Variants in DPP10 observed in about 807,000 individuals in gnomAD.
DPP10 encodes the protein dipeptidyl peptidase like 10, also known as inactive dipeptidyl peptidase 10.
A neutral mutation model predicts 120.9 loss-of-function variants in DPP10; 33 were observed. The observed-to-expected ratio is 0.27, with a 90% CI of 0.21 to 0.37. The LOEUF (loss-of-function observed/expected upper bound fraction) is 0.37, where lower values mean the gene tolerates loss of function less well. DPP10 is among the 10% of genes least tolerant of loss of function. The pLI, the probability that DPP10 is intolerant of heterozygous loss-of-function variation, is 1.00. For missense variants in DPP10, 816 were observed against 942.8 expected (o/e 0.87, Z 1.76); for synonymous variants, 337 against 326.1 (o/e 1.03, Z -0.36).
chr2:115,500,580 A>C (rs2148793049), intron 4 of DPP10, among the ~76,000 whole-genome samples: 1 of 152,158 alleles, frequency 6.6e-6, no homozygotes, highest in South Asian at 2.1e-4. Context: ...ACAATCATTA[A>C]GTGATTATAT....
At chr2:115,102,997 G>A (rs989580692) in intron 1 of DPP10, among the ~76,000 whole-genome samples, 3 of 152,106 alleles carry the variant, frequency 2.0e-5, no homozygotes, top group African/African-American at 7.2e-5. Flanking sequence ...TATAGTTCTT[G>A]TTATGTTAGA....
Position 115,842,428 on chromosome 2 carries a change from A to G in DPP10, c.*83A>G. The G allele has an allele frequency of 6.7e-7, 1 of 1,494,542 alleles. No homozygotes were observed. Among genetic ancestry groups the G allele is most frequent in the East Asian group, 2.3e-5 (1 of 43,502 alleles). The allele number at this position is 1,494,542 out of a possible 1,614,324, so 92.6% of individuals were successfully genotyped here. On this transcript the variant is annotated 3_prime_UTR_variant, in exon 26 of 26. Transcript: ENST00000410059. ...GAGACTGTAATATTGTAGTTGCTCC[A>G]GAATGTCAAGGGCAGCTTACGGAGA...
At chr2:115,024,690 CTTAAATATATATATATTTG>C (rs924618645) in intron 1 of DPP10, among the ~76,000 whole-genome samples, 7 of 146,288 alleles carry the variant, frequency 4.8e-5, no homozygotes, top group Non-Finnish European at 1.0e-4. Context: ...GAGACAGAAC[CTTAAATATATATATATTTG>C]TTAAATATAT....
intron 5 of DPP10, among the ~76,000 whole-genome samples, chr2:115,627,436 C>T (rs561268120): frequency 2.0e-5 from 3 of 152,152 alleles, no homozygotes. Flanking sequence ...GGACTGTGGA[C>T]AGCAAGATTT....
intron 3 of DPP10, among the ~76,000 whole-genome samples, chr2:115,420,591 T>G (rs1055690579): frequency 2.0e-5 from 3 of 152,210 alleles, no homozygotes; most frequent in African/African-American, 7.2e-5. Flanking sequence ...AAATATAATA[T>G]GGTTATAGCT....
chr2:114,694,104 T>G (rs1465471602), intron 1 of DPP10, among the ~76,000 whole-genome samples: 1 of 151,958 alleles, frequency 6.6e-6, no homozygotes, highest in Non-Finnish European at 1.5e-5. Flanking sequence ...ATCCTACAAT[T>G]GCCACTTATA....
At chr2:114,898,474 T>G (rs924593949) in intron 1 of DPP10, among the ~76,000 whole-genome samples, 1 of 151,398 alleles carries the variant, frequency 6.6e-6, no homozygotes, top group Non-Finnish European at 1.5e-5. Context: ...ATTGTGCACA[T>G]GTACCCTAAA....
At chr2:114,767,521 A>G (rs531852413) in intron 1 of DPP10, among the ~76,000 whole-genome samples, 1 of 152,184 alleles carries the variant, frequency 6.6e-6, no homozygotes, top group Non-Finnish European at 1.5e-5. Flanking sequence ...AAAAAGTAGA[A>G]CACCAAAGGA....
intron 5 of DPP10, among the ~76,000 whole-genome samples, chr2:115,629,474 C>T (rs1384744939): frequency 2.0e-5 from 3 of 152,118 alleles, no homozygotes; most frequent in African/African-American, 4.8e-5. Flanking sequence ...CTCCCCAGCA[C>T]CTGTTCTTTC....
chr2:115,584,054 C>T (rs1575245010), intron 5 of DPP10, among the ~76,000 whole-genome samples: 1 of 152,174 alleles, frequency 6.6e-6, no homozygotes, highest in South Asian at 2.1e-4. Context: ...AAACAACGCC[C>T]GCCATCCCCA....
At chr2:115,249,821 CAGGAAGGCTG>C (rs1036672066) in intron 1 of DPP10, among the ~76,000 whole-genome samples, 13 of 152,106 alleles carry the variant, frequency 8.5e-5, no homozygotes, top group Admixed American at 5.9e-4. Context: ...TCTATGGGGT[CAGGAAGGCTG>C]TTGTGGTGAA....
chr2:114,940,752 C>T (rs1392075639), intron 1 of DPP10, among the ~76,000 whole-genome samples: 1 of 152,024 alleles, frequency 6.6e-6, no homozygotes, highest in Non-Finnish European at 1.5e-5. Flanking sequence ...AACTGTACTG[C>T]CGAGAAAGCA....
intron 1 of DPP10, among the ~76,000 whole-genome samples, chr2:114,815,849 G>C (rs979220888): frequency 6.8e-6 from 1 of 147,028 alleles, no homozygotes; most frequent in Non-Finnish European, 1.5e-5. Flanking sequence ...CCTGTTTTTT[G>C]TTTATCTTTG....
At chr2:114,912,243 A>G (rs1694422570) in intron 1 of DPP10, among the ~76,000 whole-genome samples, 1 of 152,140 alleles carries the variant, frequency 6.6e-6, no homozygotes, top group Non-Finnish European at 1.5e-5. Context: ...TTTTCTCTCC[A>G]TTTCTCAGGG....
chr2:115,351,001 A>G (rs1425060597), intron 3 of DPP10, among the ~76,000 whole-genome samples: 3 of 152,120 alleles, frequency 2.0e-5, no homozygotes, highest in Non-Finnish European at 4.4e-5. Flanking sequence ...CTAGCATTGG[A>G]CTAGCAATCT....
chr2:115,836,516 T>C lies in DPP10; in HGVS notation c.2060T>C (p.Phe687Ser). ...ITDLKLYASAFSERYLGMPSK... is the reference protein window; with the variant it reads ...ITDLKLYASASSERYLGMPSK... ...TTTTCTTGGGTCACAGCCTCAGCTT[T>C]CTCTGAAAGATACCTTGGGATGCCA... The change falls in exon 23 of 26, where the codon TTC (phenylalanine) becomes TCC (serine). Residue 687 changes from phenylalanine (F) to serine (S), a missense_variant. Transcript: ENST00000410059. The C allele has an allele frequency of 6.2e-7, 1 of 1,613,552 alleles. No homozygotes were observed. The highest frequency in any genetic ancestry group is 1.1e-5 in the South Asian group (1 of 90,884).
chr2:115,163,188 C>G (rs1027847863), intron 1 of DPP10, among the ~76,000 whole-genome samples: 40 of 152,260 alleles, frequency 2.6e-4, no homozygotes, highest in African/African-American at 9.1e-4. Flanking sequence ...CGGCTTTTCG[C>G]GTATTCTAAG....
At chr2:115,385,685 C>T (rs2066882511) in intron 3 of DPP10, among the ~76,000 whole-genome samples, 1 of 152,136 alleles carries the variant, frequency 6.6e-6, no homozygotes, top group Admixed American at 6.6e-5. Context: ...TAGAGCTGTC[C>T]ATTCTTCACT....
intron 3 of DPP10, among the ~76,000 whole-genome samples, chr2:115,350,910 A>G (rs7599553): frequency 0.057 from 8,705 of 152,202 alleles, 345 homozygotes; most frequent in Middle Eastern, 0.099. Flanking sequence ...GAGAATGCCT[A>G]TATGGTGTTG....
Sources: allele counts gnomAD v4.1 joint callset (sites outside exome capture counted in the v4.1 genomes callset), GRCh38; gene constraint gnomAD v4.1.1; transcripts MANE v1.5; gene names NCBI Gene and HGNC (gene_info 2026-07-23, HGNC 2026-07-21).